The following CUL1 variants were observed in gnomAD, a reference collection of about 807,000 sequenced individuals.
CUL1 encodes cullin-1.
CUL1 carries 24 observed loss-of-function variants against 118.0 expected under a neutral mutation model. The ratio of observed to expected loss-of-function variants is 0.20; its 90% CI spans 0.15 to 0.29. The LOEUF is 0.29. Among genes scored for constraint, CUL1 ranks in the 10% least tolerant of loss-of-function variants. The pLI, the probability that CUL1 is intolerant of heterozygous loss-of-function variation, is 1.00. For synonymous variants in CUL1, 332 were observed against 340.4 expected (o/e 0.98, Z 0.27); for missense variants, 361 against 933.8 (o/e 0.39, Z 7.99).
At chr7:148,762,083 C>T (rs906715620) in intron 7 of CUL1, among the ~76,000 whole-genome samples, 3 of 152,174 alleles carry the variant, frequency 2.0e-5, no homozygotes, top group African/African-American at 7.2e-5. Flanking sequence ...CATACTGGCC[C>T]ACAGCCAGCG....
intron 19 of CUL1, 101 bp downstream of exon 19, chr7:148,798,120 G>A: frequency 1.5e-6 from 1 of 670,200 alleles, no homozygotes; most frequent in African/African-American, 1.8e-5. Flanking sequence ...GGAGACCGGG[G>A]ACTCAGTGTG....
At chr7:148,788,021 C>T (rs546739230) in intron 13 of CUL1, among the ~76,000 whole-genome samples, 21 of 152,304 alleles carry the variant, frequency 1.4e-4, no homozygotes, top group African/African-American at 5.1e-4. Context: ...CCAGCTGATT[C>T]GGTTCCTGGT....
chr7:148,790,368 A>T lies in CUL1; in HGVS notation c.1733A>T (p.Lys578Ile). ...TACGCCAGCCGCCACAGTGGCCGAA[A>T]ATTGACGTGGTTATATCAGTTGTCT... Reference protein sequence around the residue: ...AFYASRHSGRKLTWLYQLSKG... With the variant: ...AFYASRHSGRILTWLYQLSKG... The change falls in exon 16 of 22, where the codon AAA becomes ATA. Residue 578 changes from lysine (K) to isoleucine (I), a missense_variant. Transcript: ENST00000325222. 1 of 1,614,152 alleles carries T rather than the reference A, an allele frequency of 6.2e-7. No homozygotes were observed.
intron 17 of CUL1, 79 bp from the exon 18 acceptor site, chr7:148,797,733 C>G: frequency 7.9e-6 from 7 of 888,532 alleles, no homozygotes; most frequent in Non-Finnish European, 1.1e-5. Context: ...GGAAAATGGA[C>G]TGTGAGGTTG....
At chr7:148,762,255 T>C (rs1045662276) in intron 7 of CUL1, among the ~76,000 whole-genome samples, 3 of 152,236 alleles carry the variant, frequency 2.0e-5, no homozygotes, top group Admixed American at 1.3e-4. Flanking sequence ...AGCTCTGCTC[T>C]AACCTCATAG....
At chr7:148,799,951 G>A (rs1801331502) in intron 21 of CUL1, among the ~76,000 whole-genome samples, 1 of 152,004 alleles carries the variant, frequency 6.6e-6, no homozygotes, top group Non-Finnish European at 1.5e-5. Flanking sequence ...GATTGGGTTT[G>A]TTTAAAATGG....
intron 1 of CUL1, among the ~76,000 whole-genome samples, chr7:148,729,206 C>T (rs1053111672): frequency 6.6e-6 from 1 of 152,222 alleles, no homozygotes; most frequent in Admixed American, 6.5e-5. Context: ...ATAATAGCCA[C>T]TACCATTGTT....
chr7:148,741,398 T>G (rs1231766663), intron 2 of CUL1, among the ~76,000 whole-genome samples: 6 of 152,208 alleles, frequency 3.9e-5, no homozygotes. Flanking sequence ...TTCTCCACAT[T>G]CTGGCCAACA....
intron 9 of CUL1, among the ~76,000 whole-genome samples, chr7:148,769,882 A>T (rs1364451343): frequency 6.6e-6 from 1 of 151,988 alleles, no homozygotes; most frequent in Non-Finnish European, 1.5e-5. Context: ...GGAAGAAAGA[A>T]AAAAAAAGCA....
At chr7:148,721,425 G>A (rs1798392380) in intron 1 of CUL1, among the ~76,000 whole-genome samples, 1 of 150,780 alleles carries the variant, frequency 6.6e-6, no homozygotes, top group African/African-American at 2.4e-5. Flanking sequence ...ATTATGGAAA[G>A]TAGAAACTGC....
chr7:148,738,651 CTA>C (rs1799040275), intron 2 of CUL1, among the ~76,000 whole-genome samples: 1 of 152,204 alleles, frequency 6.6e-6, no homozygotes, highest in African/African-American at 2.4e-5. Context: ...TTGTTAGAGT[CTA>C]TGGCTGCCTT....
intron 1 of CUL1, among the ~76,000 whole-genome samples, chr7:148,711,101 G>A (rs189640631): frequency 6.6e-6 from 1 of 152,246 alleles, no homozygotes; most frequent in East Asian, 1.9e-4. Flanking sequence ...ATTTTTGTGA[G>A]CTCAGAAGAC....
At chr7:148,793,534 GA>G (rs1450274699) in intron 17 of CUL1, among the ~76,000 whole-genome samples, 1 of 152,118 alleles carries the variant, frequency 6.6e-6, no homozygotes, top group Non-Finnish European at 1.5e-5. Flanking sequence ...CATATAAATG[GA>G]ATCATATAAC....
At position 148,800,614 on chromosome 7, in the gene CUL1, C is replaced by T. The variant is rs749124254; in HGVS notation, c.*32C>T. ...TGGAAGGGTCTGACTGTGTGACCCG[C>T]AGCAAATAGTTCATGTTGGAAAGAA... On this transcript the variant is annotated 3_prime_UTR_variant, in exon 22 of 22. Coordinates refer to ENST00000325222, the MANE Select transcript of CUL1 (RefSeq NM_003592.3). The surrounding 1 kb of genome is among the most constrained non-coding windows in gnomAD (Gnocchi z 4.6). 2.0e-6 allele frequency: 3 copies of T among 1,504,324 alleles called. No homozygotes were observed. The highest frequency in any genetic ancestry group is 2.8e-6 in the Non-Finnish European group (3 of 1,083,308). The allele number at this position is 1,504,324 out of a possible 1,614,324, so 93.2% of individuals were successfully genotyped here.
intron 7 of CUL1, 138 bp downstream of exon 7, chr7:148,760,634 A>C (rs1563161632): frequency 1.7e-6 from 1 of 595,342 alleles, no homozygotes; most frequent in Non-Finnish European, 2.9e-6. Flanking sequence ...ATCAGGTGCA[A>C]GTGCTTCTCC....
chr7:148,764,254 G>A (rs1799931891), intron 7 of CUL1, among the ~76,000 whole-genome samples: 1 of 152,086 alleles, frequency 6.6e-6, no homozygotes, highest in Non-Finnish European at 1.5e-5. Context: ...TTTGACCTTG[G>A]TGTTCTAATA....
At chr7:148,722,799 T>A (rs1275433397) in intron 1 of CUL1, among the ~76,000 whole-genome samples, 2 of 152,260 alleles carry the variant, frequency 1.3e-5, no homozygotes, top group Non-Finnish European at 2.9e-5. Context: ...GGGGCCCTGC[T>A]GAGCCTTCCC....
At chr7:148,736,239 A>G (rs1798937684) in intron 2 of CUL1, among the ~76,000 whole-genome samples, 2 of 152,208 alleles carry the variant, frequency 1.3e-5, no homozygotes, top group Non-Finnish European at 2.9e-5. Context: ...AAGGAGACCA[A>G]GCTCTACAGT....
At chr7:148,726,307 G>A (rs1798581165) in intron 1 of CUL1, among the ~76,000 whole-genome samples, 1 of 151,940 alleles carries the variant, frequency 6.6e-6, no homozygotes, top group Non-Finnish European at 1.5e-5. Context: ...CTTTGCTAGA[G>A]GATAACTGGT....
Sources: gnomAD v4.1 joint callset for allele counts (sites outside exome capture counted in the v4.1 genomes callset) on GRCh38, gnomAD v4.1.1 for gene constraint, Gnocchi (gnomAD v3.1) non-coding constraint, MANE v1.5 for transcripts, NCBI Gene and HGNC (gene_info 2026-07-23, HGNC 2026-07-21) for gene names.